TMEM132D: variants seen among roughly 807,000 people sequenced by gnomAD.
The protein encoded by TMEM132D is transmembrane protein 132D.
Under a neutral mutation model 62.3 loss-of-function variants are expected in TMEM132D, and 21 were observed. The ratio of observed to expected loss-of-function variants is 0.34; its 90% CI spans 0.24 to 0.49. The LOEUF (loss-of-function observed/expected upper bound fraction) is 0.49, where lower values mean the gene tolerates loss of function less well. Ranked by LOEUF, TMEM132D falls within the 20% of genes least tolerant of loss-of-function variation. The pLI is 0.99. For missense variants in TMEM132D, 1,346 were observed against 1,402.8 expected (o/e 0.96, Z 0.65); for synonymous variants, 621 against 575.6 (o/e 1.08, Z -1.13).
chr12:129,869,910 T>C (rs1874186451), intron 1 of TMEM132D, among the ~76,000 whole-genome samples: 1 of 152,200 alleles, frequency 6.6e-6, no homozygotes, highest in Non-Finnish European at 1.5e-5. Flanking sequence ...ATCAGCTCCT[T>C]GTCACTGGTT....
At chr12:129,155,458 C>T (rs554768031) in intron 5 of TMEM132D, among the ~76,000 whole-genome samples, 1 of 152,278 alleles carries the variant, frequency 6.6e-6, no homozygotes, top group East Asian at 1.9e-4. Flanking sequence ...TTAATAAAAT[C>T]CAATTTTCAG....
intron 2 of TMEM132D, among the ~76,000 whole-genome samples, chr12:129,553,256 G>C (rs564098327): frequency 8.0e-4 from 122 of 152,122 alleles, no homozygotes; most frequent in Non-Finnish European, 1.6e-3. Flanking sequence ...GTGGCCCGTG[G>C]TCCCTGGCTG....
chr12:129,622,247 A>T (rs1879093160), intron 2 of TMEM132D, among the ~76,000 whole-genome samples: 1 of 152,186 alleles, frequency 6.6e-6, no homozygotes, highest in African/African-American at 2.4e-5. Flanking sequence ...CTAGCCCCAC[A>T]GGCATAATCT....
intron 3 of TMEM132D, among the ~76,000 whole-genome samples, chr12:129,502,816 T>C (rs1875194323): frequency 6.6e-6 from 1 of 152,174 alleles, no homozygotes; most frequent in African/African-American, 2.4e-5. Flanking sequence ...ATTAGCTAGA[T>C]TTGGATCATG....
intron 3 of TMEM132D, among the ~76,000 whole-genome samples, chr12:129,414,168 T>C (rs1167149967): frequency 6.6e-6 from 1 of 152,224 alleles, no homozygotes; most frequent in Non-Finnish European, 1.5e-5. Flanking sequence ...TACGCTTTTT[T>C]CTTCTTAGCA....
intron 5 of TMEM132D, among the ~76,000 whole-genome samples, chr12:129,202,219 A>C (rs554129518): frequency 1.9e-4 from 29 of 152,350 alleles, no homozygotes; most frequent in African/African-American, 6.3e-4. Context: ...GGGCCTTTAA[A>C]GGCCGACCTT....
intron 2 of TMEM132D, among the ~76,000 whole-genome samples, chr12:129,610,376 A>C (rs1340567410): frequency 6.6e-6 from 1 of 152,132 alleles, no homozygotes; most frequent in African/African-American, 2.4e-5. Flanking sequence ...TCTATCTTAA[A>C]CCCTGTACCC....
intron 3 of TMEM132D, among the ~76,000 whole-genome samples, chr12:129,387,462 A>G (rs1030139061): frequency 1.3e-5 from 2 of 152,108 alleles, no homozygotes; most frequent in African/African-American, 2.4e-5. Context: ...CAGTAATACT[A>G]TGTGCCAACA....
chr12:129,104,597 A>G (rs867234463), intron 5 of TMEM132D, among the ~76,000 whole-genome samples: 3,728 of 150,902 alleles, frequency 0.025, 162 homozygotes, highest in African/African-American at 0.088. Flanking sequence ...CCATCAGAGT[A>G]AACAGGCAAC....
At position 129,689,312 on chromosome 12, in the gene TMEM132D, T is replaced by C. The variant is rs149396618; in HGVS notation, c.968+10498A>G. ...TTGCACCTTGATTCCTGATCAGATA[T>C]AGAGAAAATATATTCTTATAGCTGA... On this transcript the variant is annotated intron_variant, in intron 2 of 8. Transcript: ENST00000422113. 7.3e-4 allele frequency among the ~76,000 whole-genome samples: 111 copies of C among 152,314 alleles called. 1 individual carries two copies. Among genetic ancestry groups the C allele is most frequent in the African/African-American group, 2.6e-3 (109 of 41,564 alleles).
chr12:129,393,955 T>G (rs921313971), intron 3 of TMEM132D, among the ~76,000 whole-genome samples: 7 of 152,268 alleles, frequency 4.6e-5, no homozygotes, highest in African/African-American at 1.4e-4. Flanking sequence ...TCCACCCCAC[T>G]GTCAAGTAGA....
intron 4 of TMEM132D, among the ~76,000 whole-genome samples, chr12:129,226,413 C>T (rs982111099): frequency 1.3e-5 from 2 of 152,210 alleles, no homozygotes; most frequent in African/African-American, 4.8e-5. Flanking sequence ...AGAGGCATCT[C>T]AAGGGACAGG....
At chr12:129,758,056 C>T (rs1312743263) in intron 1 of TMEM132D, among the ~76,000 whole-genome samples, 1 of 152,100 alleles carries the variant, frequency 6.6e-6, no homozygotes, top group Non-Finnish European at 1.5e-5. Flanking sequence ...GTGCCTGCCA[C>T]CATGCTTGGC....
At chr12:129,863,576 A>G (rs1446789192) in intron 1 of TMEM132D, among the ~76,000 whole-genome samples, 1 of 152,336 alleles carries the variant, frequency 6.6e-6, no homozygotes, top group Admixed American at 6.5e-5. Context: ...GCAAAATATT[A>G]GTAAGCCTTG....
intron 5 of TMEM132D, among the ~76,000 whole-genome samples, chr12:129,192,095 G>A (rs145070021): frequency 6.8e-4 from 103 of 152,226 alleles, no homozygotes; most frequent in Middle Eastern, 3.4e-3. Context: ...TTCACTTCTG[G>A]TCTTCACCAG....
intron 2 of TMEM132D, among the ~76,000 whole-genome samples, chr12:129,601,086 T>G (rs1405477421): frequency 6.6e-6 from 1 of 152,222 alleles, no homozygotes; most frequent in Non-Finnish European, 1.5e-5. Flanking sequence ...GTAGGCACCT[T>G]AATCAATGAT....
intron 1 of TMEM132D, among the ~76,000 whole-genome samples, chr12:129,769,153 T>C (rs1474223593): frequency 6.6e-6 from 1 of 152,150 alleles, no homozygotes; most frequent in African/African-American, 2.4e-5. Flanking sequence ...TAGCCTGAAG[T>C]TGGTGCCCCC....
At chr12:129,152,070 G>A (rs1877090430) in intron 5 of TMEM132D, among the ~76,000 whole-genome samples, 1 of 152,076 alleles carries the variant, frequency 6.6e-6, no homozygotes, top group South Asian at 2.1e-4. Flanking sequence ...CGGAGATGGG[G>A]TTTCACCATG....
chr12:129,628,520 A>G (rs79737960), intron 2 of TMEM132D, among the ~76,000 whole-genome samples: 2,220 of 152,260 alleles, frequency 0.015, 114 homozygotes, highest in East Asian at 0.13. Flanking sequence ...TCTTCATTCC[A>G]CAAATAAACA....
Sources: allele counts gnomAD v4.1 joint callset (sites outside exome capture counted in the v4.1 genomes callset), GRCh38; gene constraint gnomAD v4.1.1; transcripts MANE v1.5; gene names NCBI Gene and HGNC (gene_info 2026-07-23, HGNC 2026-07-21).